NDUFAF2: variants seen among roughly 807,000 people sequenced by gnomAD.
NDUFAF2 encodes NADH:ubiquinone oxidoreductase complex assembly factor 2.
In NDUFAF2, 13 loss-of-function variants were observed where a neutral mutation model predicts 22.8. That is an observed-to-expected ratio of 0.57 (90% CI 0.37 to 0.91). The LOEUF is 0.91. NDUFAF2 is among the 40% of genes least tolerant of loss of function. NDUFAF2 has a pLI of 0.01. For synonymous variants in NDUFAF2, 53 were observed against 64.2 expected, an observed-to-expected ratio of 0.83 and a Z score of 0.84; for missense variants, 162 against 195.2, an observed-to-expected ratio of 0.83 and a Z score of 1.01.
chr5:60,951,211 G>GTT (rs945884539), intron 1 of NDUFAF2, among the ~76,000 whole-genome samples: 9 of 152,072 alleles, frequency 5.9e-5, no homozygotes, highest in Admixed American at 1.3e-4. Flanking sequence ...TGTAATTTTA[G>GTT]TAAGAGACAG....
chr5:60,952,869 A>G (rs1404608979), intron 1 of NDUFAF2, among the ~76,000 whole-genome samples: 1 of 152,080 alleles, frequency 6.6e-6, no homozygotes, highest in Non-Finnish European at 1.5e-5. Flanking sequence ...TTCAATACCT[A>G]TTGTTAGGTC....
rs976631550 is a variant in NDUFAF2 at position 61,028,588 on chromosome 5, C to G, written c.128-44537C>G. ...ATGGATATACCACAGTTTATTTAAC[C>G]TTTGATTAATGTATTGATGAACATT... On this transcript the variant is annotated intron_variant, in intron 1 of 3. Transcript: ENST00000296597. Among the ~76,000 whole-genome samples, 8 of 151,984 alleles carry G rather than the reference C, an allele frequency of 5.3e-5. No individual in the cohort carries two copies. In the South Asian group the frequency reaches 1.7e-3, roughly 32 times the overall value.
At chr5:60,971,612 C>T (rs1284346590) in intron 1 of NDUFAF2, among the ~76,000 whole-genome samples, 1 of 149,752 alleles carries the variant, frequency 6.7e-6, no homozygotes, top group South Asian at 2.2e-4. Context: ...TCCCTCCCCC[C>T]TCCCCCAACC....
chr5:61,085,700 C>T (rs546493608), intron 2 of NDUFAF2, among the ~76,000 whole-genome samples: 46 of 152,248 alleles, frequency 3.0e-4, no homozygotes, highest in Middle Eastern at 3.4e-3. Flanking sequence ...TATATGTCTA[C>T]ATAATAATAC....
chr5:61,128,813 C>A (rs1753070149), intron 3 of NDUFAF2, among the ~76,000 whole-genome samples: 1 of 152,056 alleles, frequency 6.6e-6, no homozygotes, highest in East Asian at 1.9e-4. Context: ...TCTAATTAAA[C>A]TAAAGAGCTT....
At chr5:61,136,426 T>C (rs983610443) in intron 3 of NDUFAF2, among the ~76,000 whole-genome samples, 2 of 152,174 alleles carry the variant, frequency 1.3e-5, no homozygotes, top group Non-Finnish European at 2.9e-5. Context: ...AGTCTGCATC[T>C]GCCTCCATAA....
intron 3 of NDUFAF2, among the ~76,000 whole-genome samples, chr5:61,110,682 T>C (rs938157687): frequency 6.6e-6 from 1 of 152,082 alleles, no homozygotes; most frequent in Non-Finnish European, 1.5e-5. Flanking sequence ...TTTCACGTCT[T>C]ATTTTTTTGT....
intron 1 of NDUFAF2, among the ~76,000 whole-genome samples, chr5:60,991,008 T>C (rs1321139129): frequency 6.6e-5 from 10 of 152,168 alleles, no homozygotes; most frequent in Admixed American, 3.9e-4. Context: ...ATTTTCAAAG[T>C]GATTTTTTTA....
At chr5:61,074,653 G>A (rs1035472479) in intron 2 of NDUFAF2, among the ~76,000 whole-genome samples, 6 of 152,054 alleles carry the variant, frequency 3.9e-5, no homozygotes, top group African/African-American at 1.2e-4. Flanking sequence ...CCAGCTACTC[G>A]GGAGGCTGAG....
intron 1 of NDUFAF2, among the ~76,000 whole-genome samples, chr5:61,032,225 G>A (rs555494313): frequency 6.6e-6 from 1 of 152,228 alleles, no homozygotes; most frequent in South Asian, 2.1e-4. Context: ...AAGCTCTTTA[G>A]TTTAATTAGA....
At position 60,945,357 on chromosome 5, in the gene NDUFAF2, C is replaced by T. The variant is rs1271083313; in HGVS notation, c.102C>T (p.Tyr34=). Residue 34 remains tyrosine (Y), a synonymous_variant, in exon 1 of 4, where the codon TAC becomes TAT. Transcript: ENST00000296597. ...GTDQFGNKYY[Y]IPQYKNWRGQ... ...ACCAATTCGGGAACAAATACTACTA[C>T]ATCCCGCAGTACAAGAACTGGAGAG... The T allele has an allele frequency of 7.4e-6, 12 of 1,614,084 alleles. No homozygotes were observed. In the African/African-American group the frequency reaches 1.5e-4, roughly 20 times the overall value.
intron 3 of NDUFAF2, among the ~76,000 whole-genome samples, chr5:61,136,449 T>G (rs998204119): frequency 1.3e-5 from 2 of 152,086 alleles, no homozygotes; most frequent in African/African-American, 2.4e-5. Context: ...TCCTTCAAAC[T>G]TCTCTCTCAA....
chr5:60,975,841 C>G (rs1298659163), intron 1 of NDUFAF2, among the ~76,000 whole-genome samples: 2 of 152,106 alleles, frequency 1.3e-5, no homozygotes, highest in African/African-American at 4.8e-5. Flanking sequence ...GTTACTGATG[C>G]TACTGATAGT....
chr5:61,051,547 C>A (rs1405880093), intron 1 of NDUFAF2, among the ~76,000 whole-genome samples: 1 of 152,112 alleles, frequency 6.6e-6, no homozygotes, highest in African/African-American at 2.4e-5. Context: ...AGAGTGTGAA[C>A]AACTTGAGCC....
At chr5:61,027,512 AACTGTTTTGTGAGAGAAGTACC>A (rs1751665936) in intron 1 of NDUFAF2, among the ~76,000 whole-genome samples, 1 of 152,002 alleles carries the variant, frequency 6.6e-6, no homozygotes, top group Non-Finnish European at 1.5e-5. Flanking sequence ...ACCAAAGCAA[AACTGTTTTGTGAGAGAAGTACC>A]ACTGTGTCCA....
intron 1 of NDUFAF2, among the ~76,000 whole-genome samples, chr5:61,066,340 A>T (rs1268804418): frequency 6.6e-6 from 1 of 152,072 alleles, no homozygotes; most frequent in African/African-American, 2.4e-5. Context: ...CATTCTATAC[A>T]GATATAGGAA....
At chr5:60,995,243 A>G (rs112478010) in intron 1 of NDUFAF2, among the ~76,000 whole-genome samples, 185 of 152,220 alleles carry the variant, frequency 1.2e-3, no homozygotes, top group Non-Finnish European at 2.2e-3. Flanking sequence ...TGTTGATGCA[A>G]ATAGATGTTC....
chr5:61,009,299 C>T (rs942060702), intron 1 of NDUFAF2, among the ~76,000 whole-genome samples: 2 of 151,922 alleles, frequency 1.3e-5, no homozygotes, highest in Admixed American at 6.6e-5. Flanking sequence ...CCTATTGGAG[C>T]ATTTAATTTG....
At chr5:60,986,862 G>A (rs1030579898) in intron 1 of NDUFAF2, among the ~76,000 whole-genome samples, 2 of 151,428 alleles carry the variant, frequency 1.3e-5, no homozygotes, top group Non-Finnish European at 2.9e-5. Context: ...ATTCCAGGAG[G>A]TGGAGGTTGC....
Sources: gnomAD v4.1 joint callset for allele counts (sites outside exome capture counted in the v4.1 genomes callset) on GRCh38, gnomAD v4.1.1 for gene constraint, MANE v1.5 for transcripts, NCBI Gene and HGNC (gene_info 2026-07-23, HGNC 2026-07-21) for gene names.